The following FANCC variants were observed in gnomAD, a reference collection of about 807,000 sequenced individuals.
FANCC encodes FA complementation group C, also known as Fanconi anemia group C protein.
A neutral mutation model predicts 71.3 loss-of-function variants in FANCC; 55 were observed. The ratio of observed to expected loss-of-function variants is 0.77; its 90% CI spans 0.62 to 0.97. The LOEUF (loss-of-function observed/expected upper bound fraction) is 0.97. Among genes scored for constraint, FANCC ranks in the 50% least tolerant of loss-of-function variants. FANCC has a pLI of 0.00. For missense variants in FANCC, 678 were observed against 670.9 expected (o/e 1.01, Z -0.12); for synonymous variants, 275 against 244.9 (o/e 1.12, Z -1.15).
At chr9:95,208,077 C>A (rs960679379) in intron 4 of FANCC, among the ~76,000 whole-genome samples, 1 of 47,612 alleles carries the variant, frequency 2.1e-5, no homozygotes, top group Non-Finnish European at 3.6e-5. Context: ...ATCCAGAAGC[C>A]TTTTTTTTTT....
At chr9:95,279,945 CT>C (rs1365171487) in intron 1 of FANCC, among the ~76,000 whole-genome samples, 1 of 76,666 alleles carries the variant, frequency 1.3e-5, no homozygotes, top group African/African-American at 6.5e-5. Flanking sequence ...AAGACTCTGT[CT>C]CAAAAAAAAA....
At chr9:95,142,824 C>T (rs1828974020) in intron 7 of FANCC, among the ~76,000 whole-genome samples, 2 of 152,170 alleles carry the variant, frequency 1.3e-5, no homozygotes, top group African/African-American at 4.8e-5. Flanking sequence ...TACTTAGAAG[C>T]TGTTTTTACT....
chr9:95,238,252 C>T (rs1830434300), intron 4 of FANCC, among the ~76,000 whole-genome samples: 1 of 152,222 alleles, frequency 6.6e-6, no homozygotes, highest in South Asian at 2.1e-4. Context: ...AGGTGGCTGA[C>T]TTTCAATCCT....
intron 1 of FANCC, among the ~76,000 whole-genome samples, chr9:95,310,691 G>C (rs531518814): frequency 5.9e-5 from 9 of 152,246 alleles, no homozygotes; most frequent in African/African-American, 2.2e-4. Context: ...CCAGGAGCTA[G>C]AGGTAGTATC....
At chr9:95,200,318 C>CA (rs1197424558) in intron 4 of FANCC, among the ~76,000 whole-genome samples, 1 of 152,142 alleles carries the variant, frequency 6.6e-6, no homozygotes, top group Non-Finnish European at 1.5e-5. Flanking sequence ...TTCTCAACCA[C>CA]AAAATAGGGA....
intron 4 of FANCC, among the ~76,000 whole-genome samples, chr9:95,235,745 G>A (rs1368531994): frequency 2.0e-5 from 3 of 147,034 alleles, no homozygotes; most frequent in African/African-American, 7.5e-5. Flanking sequence ...TTGGGAGGCT[G>A]AGACAGGAGA....
chr9:95,294,769 A>G lies in FANCC; in HGVS notation c.-79+22757T>C. On this transcript the variant is annotated intron_variant, in intron 1 of 14. Coordinates refer to ENST00000289081, the MANE Select transcript of FANCC (RefSeq NM_000136.3). ...GGAGTCTCAGTTCAGCTCTGTAGAA[A>G]CCCAGACTTCTGCGGAACCACACAC... 1.9e-6 allele frequency: 3 copies of G among 1,580,208 alleles called. No homozygotes were observed. In the Admixed American group the frequency reaches 5.5e-5, roughly 29 times the overall value.
intron 3 of FANCC, among the ~76,000 whole-genome samples, chr9:95,246,344 C>T (rs568432251): frequency 3.9e-5 from 6 of 152,292 alleles, no homozygotes; most frequent in African/African-American, 1.2e-4. Flanking sequence ...CACATATTGT[C>T]CCTTTCCTGC....
chr9:95,265,474 T>C (rs1268298389), intron 1 of FANCC, among the ~76,000 whole-genome samples: 2 of 152,172 alleles, frequency 1.3e-5, no homozygotes, highest in African/African-American at 4.8e-5. Flanking sequence ...ATCTCTGACC[T>C]TGTTCTCCAT....
chr9:95,293,572 T>C, intron 1 of FANCC: 1 of 1,613,870 alleles, frequency 6.2e-7, no homozygotes, highest in South Asian at 1.1e-5. Flanking sequence ...ATTTCTTCAA[T>C]CAACGTGCAG....
intron 7 of FANCC, among the ~76,000 whole-genome samples, chr9:95,139,315 G>A (rs1301894830): frequency 1.3e-5 from 2 of 152,190 alleles, no homozygotes; most frequent in Non-Finnish European, 2.9e-5. Context: ...GGCAGAGGGT[G>A]CGTCTCCTCA....
chr9:95,147,580 G>C (rs1046016135), intron 7 of FANCC, among the ~76,000 whole-genome samples: 1 of 152,198 alleles, frequency 6.6e-6, no homozygotes, highest in African/African-American at 2.4e-5. Context: ...TCATGAGATG[G>C]AGACATCTGC....
At chr9:95,268,345 G>A (rs945658373) in intron 1 of FANCC, among the ~76,000 whole-genome samples, 2 of 152,134 alleles carry the variant, frequency 1.3e-5, no homozygotes, top group Non-Finnish European at 2.9e-5. Flanking sequence ...TCGGACCAAG[G>A]AACTCATTAT....
chr9:95,247,315 T>G, intron 3 of FANCC, 117 bp downstream of exon 3: 1 of 769,810 alleles, frequency 1.3e-6, no homozygotes. Flanking sequence ...TGAATACATT[T>G]GATAAGTTGT....
At chr9:95,295,183 A>C (rs1417163717) in intron 1 of FANCC, among the ~76,000 whole-genome samples, 2 of 152,204 alleles carry the variant, frequency 1.3e-5, no homozygotes, top group East Asian at 3.8e-4. Context: ...ATGGAATTAC[A>C]TCAAACTAAA....
intron 1 of FANCC, among the ~76,000 whole-genome samples, chr9:95,274,317 T>C (rs1049335876): frequency 6.6e-6 from 1 of 152,204 alleles, no homozygotes; most frequent in African/African-American, 2.4e-5. Context: ...GAATGATCGT[T>C]TCCAGCTTTA....
chr9:95,230,244 T>A (rs533236062), intron 4 of FANCC, among the ~76,000 whole-genome samples: 4 of 152,310 alleles, frequency 2.6e-5, no homozygotes, highest in African/African-American at 7.2e-5. Context: ...TGCGGTGTAG[T>A]GCGGCTGCAG....
intron 7 of FANCC, among the ~76,000 whole-genome samples, chr9:95,147,429 T>A (rs983996702): frequency 1.3e-5 from 2 of 152,130 alleles, no homozygotes; most frequent in Non-Finnish European, 2.9e-5. Context: ...GGCAGGAGAA[T>A]CACTTGAACC....
rs1345563394 is a variant in FANCC at position 95,111,461 on chromosome 9, A to G, written c.1329+2T>C. Reference sequence around the variant, plus strand: ...ACACATGCAGTGGGGCCTGCTACCCACCATAGTCTGTGCTCTCTGCTGCCT... The same window carrying G: ...ACACATGCAGTGGGGCCTGCTACCCGCCATAGTCTGTGCTCTCTGCTGCCT... On this transcript the variant is annotated splice_donor_variant, in intron 13 of 14. Transcript: ENST00000289081. LOFTEE classifies it high-confidence loss of function. 1 of 1,611,854 alleles carries G rather than the reference A, an allele frequency of 6.2e-7. No individual in the cohort carries two copies. The highest frequency in any genetic ancestry group is 2.2e-5 in the East Asian group (1 of 44,856).
Sources: gnomAD v4.1 joint callset for allele counts (sites outside exome capture counted in the v4.1 genomes callset) on GRCh38, gnomAD v4.1.1 for gene constraint, MANE v1.5 for transcripts, NCBI Gene and HGNC (gene_info 2026-07-23, HGNC 2026-07-21) for gene names.